The following NR5A2 variants were observed in gnomAD, a reference collection of about 807,000 sequenced individuals.
NR5A2 encodes CYP7A promoter-binding factor.
NR5A2 carries 26 observed loss-of-function variants against 62.7 expected under a neutral mutation model. The ratio of observed to expected loss-of-function variants is 0.41; its 90% CI spans 0.30 to 0.58. The LOEUF (loss-of-function observed/expected upper bound fraction) is 0.58, where lower values mean the gene tolerates loss of function less well. Among genes scored for constraint, NR5A2 ranks in the 20% least tolerant of loss-of-function variants. NR5A2 has a pLI of 0.22. For synonymous variants in NR5A2, 246 were observed against 241.7 expected, an observed-to-expected ratio of 1.02 and a Z score of -0.16; for missense variants, 541 against 669.1, an observed-to-expected ratio of 0.81 and a Z score of 2.11.
In NR5A2 at chr1:200,039,753, C is replaced by T. The variant is rs117334803; in HGVS notation, c.160C>T (p.Arg54Ter). 15 of 1,610,460 alleles carry T rather than the reference C, an allele frequency of 9.3e-6. No individual in the cohort carries two copies. The East Asian group carries it at 2.5e-4, about 27-fold the overall frequency. The part of the protein sequence containing the change: ...KVETEALGLA[R>*]SHGEQGQMPE... ...GGAGACGGAAGCCCTGGGACTGGCT[C>T]GATCGCATGGGGAACAGGGCCAGAT... Residue 54 changes from arginine (R) to a stop codon, truncating the protein, a stop_gained, in exon 2 of 8, where the codon CGA (arginine) becomes TGA (stop). Coordinates refer to ENST00000367362, the MANE Select transcript of NR5A2 (RefSeq NM_205860.3). LOFTEE classifies it high-confidence loss of function. The surrounding 1 kb of genome is among the most constrained non-coding windows in gnomAD (Gnocchi z 5.1).
intron 7 of NR5A2, among the ~76,000 whole-genome samples, chr1:200,173,300 C>G (rs1654267221): frequency 6.6e-6 from 1 of 152,170 alleles, no homozygotes; most frequent in African/African-American, 2.4e-5. Flanking sequence ...CACTGACCAT[C>G]CTGGCTTGTG....
At position 200,042,190 on chromosome 1, in the gene NR5A2, C is replaced by T. The variant is rs547712255; in HGVS notation, c.203-1584C>T. On this transcript the variant is annotated intron_variant, in intron 2 of 7. Coordinates refer to ENST00000367362, the MANE Select transcript of NR5A2 (RefSeq NM_205860.3). ...ATATTTCACGAAGGCAGGCTCCTGCCTTCTCTGGAGCCTCTTTTCTCGGAA... is the reference window on the plus strand; with the variant it reads ...ATATTTCACGAAGGCAGGCTCCTGCTTTCTCTGGAGCCTCTTTTCTCGGAA... Among the ~76,000 whole-genome samples, 23 of 152,144 alleles carry T rather than the reference C, an allele frequency of 1.5e-4. No individual in the cohort carries two copies. The East Asian group carries it at 4.5e-3, about 30-fold the overall frequency.
rs1402102974 is a variant in NR5A2 at position 200,176,804 on chromosome 1, C to T, written c.*2594C>T. Reference sequence around the variant, plus strand: ...GGGTGCATGCCAGCATACCTGGCTACGTTGACTCTTAAAATCTATGTTCTC... The same window carrying T: ...GGGTGCATGCCAGCATACCTGGCTATGTTGACTCTTAAAATCTATGTTCTC... On this transcript the variant is annotated 3_prime_UTR_variant, in exon 8 of 8. Transcript: ENST00000367362. The T allele has an allele frequency of 6.6e-6, 1 of 152,086 alleles. No homozygotes were observed. The highest frequency in any genetic ancestry group is 1.5e-5 in the Non-Finnish European group (1 of 68,016). 9.4% of individuals were successfully genotyped at this position (152,086 alleles called of 1,614,324 possible). A position where few individuals can be genotyped will look rare whatever the true frequency, so the allele number is the denominator to read the frequency against.
intron 4 of NR5A2, among the ~76,000 whole-genome samples, chr1:200,047,718 AGGCACCCACCAC>A (rs1662435081): frequency 6.6e-6 from 1 of 151,884 alleles, no homozygotes; most frequent in African/African-American, 2.4e-5. Flanking sequence ...CTGGGATTAC[AGGCACCCACCAC>A]TACGCCTGGC....
intron 5 of NR5A2, among the ~76,000 whole-genome samples, chr1:200,049,079 A>G (rs1258920185): frequency 6.6e-6 from 1 of 151,992 alleles, no homozygotes; most frequent in Non-Finnish European, 1.5e-5. Context: ...TTTTTTTCTA[A>G]ATAGTAGAAT....
At chr1:200,089,942 AC>A (rs1206056397) in intron 5 of NR5A2, among the ~76,000 whole-genome samples, 15 of 152,260 alleles carry the variant, frequency 9.9e-5, no homozygotes, top group African/African-American at 3.4e-4. Flanking sequence ...CACCTGCCAA[AC>A]TCAAAGCCAT....
chr1:200,038,887 T>G, intron 1 of NR5A2: 1 of 589,948 alleles, frequency 1.7e-6, no homozygotes, highest in Non-Finnish European at 2.5e-6. Flanking sequence ...AGCCTCATCC[T>G]TATTGGCTGG....
chr1:200,040,892 G>T (rs1662037464), intron 2 of NR5A2, among the ~76,000 whole-genome samples: 2 of 152,248 alleles, frequency 1.3e-5, no homozygotes. Flanking sequence ...TGCGGGTTGT[G>T]ATCCGTTACC....
intron 1 of NR5A2, among the ~76,000 whole-genome samples, chr1:200,028,811 A>G (rs1661442313): frequency 6.6e-6 from 1 of 152,110 alleles, no homozygotes; most frequent in Non-Finnish European, 1.5e-5. Context: ...CAGCTCCATT[A>G]TAACAAGAAA....
chr1:200,145,008 T>C (rs992436328), intron 7 of NR5A2, among the ~76,000 whole-genome samples: 1 of 151,916 alleles, frequency 6.6e-6, no homozygotes, highest in Non-Finnish European at 1.5e-5. Flanking sequence ...TTGAGGGAGG[T>C]GGCTTAAAAA....
intron 7 of NR5A2, among the ~76,000 whole-genome samples, chr1:200,150,689 C>T (rs1254274691): frequency 6.6e-6 from 1 of 152,214 alleles, no homozygotes; most frequent in Non-Finnish European, 1.5e-5. Flanking sequence ...TAAGATATCA[C>T]ACCAGTTTAG....
At chr1:200,133,532 CACATATATATATATA>C (rs1667066596) in intron 7 of NR5A2, among the ~76,000 whole-genome samples, 2 of 66,024 alleles carry the variant, frequency 3.0e-5, no homozygotes, top group East Asian at 4.0e-4. Flanking sequence ...TATATACACA[CACATATATATATATA>C]CACATATATA....
At chr1:200,150,187 TAAAAGG>T (rs946646350) in intron 7 of NR5A2, among the ~76,000 whole-genome samples, 9 of 152,174 alleles carry the variant, frequency 5.9e-5, no homozygotes, top group African/African-American at 2.2e-4. Context: ...GAATGACACA[TAAAAGG>T]AAACCAAAAT....
chr1:200,138,604 G>A (rs1489088072), intron 7 of NR5A2, among the ~76,000 whole-genome samples: 2 of 152,054 alleles, frequency 1.3e-5, no homozygotes, highest in Non-Finnish European at 2.9e-5. Flanking sequence ...TATGGTGTGA[G>A]GGGGAGATCT....
intron 7 of NR5A2, among the ~76,000 whole-genome samples, chr1:200,167,979 C>T (rs1653985542): frequency 6.6e-6 from 1 of 152,122 alleles, no homozygotes; most frequent in Non-Finnish European, 1.5e-5. Context: ...AGCTACTGTA[C>T]ACAGAGACTG....
intron 5 of NR5A2, among the ~76,000 whole-genome samples, chr1:200,094,014 C>A (rs1664945638): frequency 6.6e-6 from 1 of 151,784 alleles, no homozygotes; most frequent in Non-Finnish European, 1.5e-5. Context: ...AATAAAAATA[C>A]AAAAATTTGC....
Position 200,039,824 on chromosome 1 carries a change from TC to T in NR5A2, c.202+32del. ...AGGAGGCGCCGCGCGGCGCTCCGGC[TC>T]CCGCTGCTTCCCCACCCCCGGGCTC... On this transcript the variant is annotated intron_variant, in intron 2 of 7. Transcript: ENST00000367362. This position sits in a 1 kb window ranked among gnomAD's most constrained non-coding sequence, Gnocchi z 5.1. The T allele has an allele frequency of 1.9e-6, 3 of 1,582,302 alleles. No individual in the cohort carries two copies. Among genetic ancestry groups the T allele is most frequent in the Non-Finnish European group, 2.6e-6 (3 of 1,167,394 alleles).
At chr1:200,103,122 CTTTT>C (rs10655211) in intron 5 of NR5A2, among the ~76,000 whole-genome samples, 32 of 106,636 alleles carry the variant, frequency 3.0e-4, no homozygotes, top group Admixed American at 2.8e-3. Flanking sequence ...ATGTAAAACT[CTTTT>C]TTTTTTTTTT....
chr1:200,159,120 G>A (rs1653519637), intron 7 of NR5A2, among the ~76,000 whole-genome samples: 1 of 151,736 alleles, frequency 6.6e-6, no homozygotes, highest in South Asian at 2.1e-4. Context: ...CCAACTCCTG[G>A]CCTGAAGCAA....
Sources: gnomAD v4.1 joint callset for allele counts (sites outside exome capture counted in the v4.1 genomes callset) on GRCh38, gnomAD v4.1.1 for gene constraint, Gnocchi (gnomAD v3.1) non-coding constraint, MANE v1.5 for transcripts, NCBI Gene and HGNC (gene_info 2026-07-23, HGNC 2026-07-21) for gene names.